The following CDH18 variants were observed in gnomAD, a reference collection of about 807,000 sequenced individuals.
CDH18 encodes the protein cadherin-18.
A neutral mutation model predicts 67.9 loss-of-function variants in CDH18; 31 were observed. The ratio of observed to expected loss-of-function variants is 0.46; its 90% CI spans 0.34 to 0.62. CDH18 has a LOEUF of 0.62. Among genes scored for constraint, CDH18 ranks in the 20% least tolerant of loss-of-function variants. The pLI, the probability that CDH18 is intolerant of heterozygous loss-of-function variation, is 0.01. For synonymous variants in CDH18, 362 were observed against 347.2 expected (o/e 1.04, Z -0.48); for missense variants, 890 against 975.5 (o/e 0.91, Z 1.17).
chr5:19,818,014 T>A (rs1779476110), intron 3 of CDH18, among the ~76,000 whole-genome samples: 4 of 152,030 alleles, frequency 2.6e-5, no homozygotes, highest in Admixed American at 2.6e-4. Context: ...TTTCTTTCCA[T>A]TTTTTTCCCA....
chr5:20,031,971 G>A (rs899571670), intron 2 of CDH18, among the ~76,000 whole-genome samples: 1 of 151,976 alleles, frequency 6.6e-6, no homozygotes, highest in African/African-American at 2.4e-5. Context: ...GGAATGTGGG[G>A]AGCTGGTATT....
intron 2 of CDH18, among the ~76,000 whole-genome samples, chr5:20,250,637 CT>C (rs1490621733): frequency 1.3e-5 from 1 of 75,960 alleles, no homozygotes; most frequent in African/African-American, 5.6e-5. Flanking sequence ...TAATCTTGTT[CT>C]GTCGCCCAGG....
chr5:20,421,708 CTT>C, intron 1 of CDH18, among the ~76,000 whole-genome samples: 1 of 150,758 alleles, frequency 6.6e-6, no homozygotes, highest in South Asian at 2.1e-4. Context: ...AAAAGTAAAA[CTT>C]GAATGTGTTT....
At chr5:19,828,378 T>TC (rs1780644474) in intron 3 of CDH18, among the ~76,000 whole-genome samples, 1 of 152,122 alleles carries the variant, frequency 6.6e-6, no homozygotes, top group African/African-American at 2.4e-5. Context: ...AAGGCCAGCA[T>TC]CATCCTGATA....
intron 2 of CDH18, among the ~76,000 whole-genome samples, chr5:19,963,873 G>A (rs1214215823): frequency 1.3e-5 from 2 of 151,966 alleles, no homozygotes; most frequent in African/African-American, 4.8e-5. Flanking sequence ...TTCACAAGGT[G>A]GCCAGATCAA....
At chr5:20,161,980 A>C (rs570210378) in intron 2 of CDH18, among the ~76,000 whole-genome samples, 27 of 152,138 alleles carry the variant, frequency 1.8e-4, no homozygotes, top group African/African-American at 5.3e-4. Context: ...ATTTTGAGGC[A>C]GATAGTTTTT....
intron 2 of CDH18, among the ~76,000 whole-genome samples, chr5:19,921,725 C>T (rs1221657648): frequency 6.6e-6 from 1 of 152,034 alleles, no homozygotes; most frequent in African/African-American, 2.4e-5. Flanking sequence ...GGATATGCAA[C>T]ATCAGTCATA....
chr5:19,686,920 A>G (rs1761173636), intron 5 of CDH18, among the ~76,000 whole-genome samples: 1 of 152,194 alleles, frequency 6.6e-6, no homozygotes, highest in Non-Finnish European at 1.5e-5. Context: ...TAGTTTCAAA[A>G]TGGCTGACTA....
chr5:20,503,496 CAG>C, intron 1 of CDH18, among the ~76,000 whole-genome samples: 1 of 152,048 alleles, frequency 6.6e-6, no homozygotes, highest in Admixed American at 6.6e-5. Flanking sequence ...CTCATTTTTC[CAG>C]AGTCATATTC....
At chr5:19,526,493 C>T (rs116695328) in intron 9 of CDH18, among the ~76,000 whole-genome samples, 2,179 of 152,102 alleles carry the variant, frequency 0.014, 21 homozygotes, top group South Asian at 0.031. Flanking sequence ...CTGATATGTG[C>T]GTAACACTAT....
intron 3 of CDH18, among the ~76,000 whole-genome samples, chr5:19,805,466 T>C (rs907183332): frequency 6.6e-6 from 1 of 152,298 alleles, no homozygotes. Context: ...GATATCCATA[T>C]GTGTTTTCCT....
At chr5:20,476,117 C>T (rs1752422858) in intron 1 of CDH18, among the ~76,000 whole-genome samples, 1 of 152,112 alleles carries the variant, frequency 6.6e-6, no homozygotes, top group Admixed American at 6.5e-5. Flanking sequence ...TAAATAAACA[C>T]CAAATCTCAA....
chr5:20,042,323 A>G (rs1435981), intron 2 of CDH18, among the ~76,000 whole-genome samples: 115,511 of 152,178 alleles, frequency 0.76, 46,897 homozygotes, highest in Non-Finnish European at 0.9. Flanking sequence ...TGAATTTTCT[A>G]TTTTCAATTT....
At position 20,084,483 on chromosome 5, in the gene CDH18, G is replaced by T. The variant is rs376203217; in HGVS notation, c.-517-92469C>A. On this transcript the variant is annotated intron_variant, in intron 2 of 14. Coordinates refer to the CDH18 transcript ENST00000507958. Reference sequence around the variant, plus strand: ...GCTGTCAGTGGATATACCATTCTGGGGTCTGGAGGAGAGTGACCCTCTTCT... The same window carrying T: ...GCTGTCAGTGGATATACCATTCTGGTGTCTGGAGGAGAGTGACCCTCTTCT... Among the ~76,000 whole-genome samples, 8 of 152,144 alleles carry T rather than the reference G, an allele frequency of 5.3e-5. No homozygotes were observed. The South Asian group carries it at 8.3e-4, about 16-fold the overall frequency.
chr5:19,839,063 GA>G lies in CDH18; in HGVS notation c.-78del. 8.9e-7 allele frequency: 1 copy of G among 1,123,820 alleles called. No individual in the cohort carries two copies. The highest frequency in any genetic ancestry group is 1.3e-6 in the Non-Finnish European group (1 of 746,578). 69.6% of individuals were successfully genotyped at this position (1,123,820 alleles called of 1,614,324 possible). On this transcript the variant is annotated 5_prime_UTR_variant, in exon 3 of 13. It introduces an in-frame stop codon into an upstream open reading frame of the 5' UTR. Coordinates refer to ENST00000382275, the MANE Select transcript of CDH18 (RefSeq NM_004934.5). ...GAAAGCTTAGTGAGCATTCAAGAGA[GA>G]AGCCAGAGCATCTTTAGGAAGGACA... is the stretch of plus-strand genomic sequence containing the variant.
intron 2 of CDH18, among the ~76,000 whole-genome samples, chr5:20,199,529 G>A (rs1464002386): frequency 6.6e-6 from 1 of 152,114 alleles, no homozygotes; most frequent in Non-Finnish European, 1.5e-5. Flanking sequence ...CAGGCTCATA[G>A]GTGAAAGGGA....
At chr5:20,466,204 T>G (rs1250003338) in intron 1 of CDH18, among the ~76,000 whole-genome samples, 3 of 152,086 alleles carry the variant, frequency 2.0e-5, no homozygotes, top group Non-Finnish European at 4.4e-5. Context: ...CTAAATTGGG[T>G]ACTTTGAGTT....
intron 4 of CDH18, among the ~76,000 whole-genome samples, chr5:19,725,464 AT>A (rs1272033360): frequency 1.3e-5 from 2 of 152,164 alleles, no homozygotes; most frequent in African/African-American, 4.8e-5. Context: ...ATATAAAATT[AT>A]TTCAATTAAA....
intron 2 of CDH18, among the ~76,000 whole-genome samples, chr5:20,088,910 T>C (rs999968874): frequency 6.6e-6 from 1 of 152,136 alleles, no homozygotes; most frequent in Non-Finnish European, 1.5e-5. Flanking sequence ...TTCAGAACGA[T>C]GGAAAGGGAG....
Sources: gnomAD v4.1 joint callset for allele counts (sites outside exome capture counted in the v4.1 genomes callset) on GRCh38, gnomAD v4.1.1 for gene constraint, MANE v1.5 for transcripts, NCBI Gene and HGNC (gene_info 2026-07-23, HGNC 2026-07-21) for gene names.